The following SAMSN1 variants were observed in gnomAD, a reference collection of about 807,000 sequenced individuals.
The protein encoded by SAMSN1 is SAM domain, SH3 domain and nuclear localization signals 1, also known as SAM domain-containing protein SAMSN-1.
In SAMSN1, 31 loss-of-function variants were observed where a neutral mutation model predicts 42.0. That is an observed-to-expected ratio of 0.74 (90% CI 0.55 to 1.00). The LOEUF is 1.00. Ranked by LOEUF, SAMSN1 falls within the 50% of genes least tolerant of loss-of-function variation. The pLI, the probability that SAMSN1 is intolerant of heterozygous loss-of-function variation, is 0.00. For synonymous variants in SAMSN1, 178 were observed against 151.9 expected, an observed-to-expected ratio of 1.17 and a Z score of -1.26; for missense variants, 464 against 439.4, an observed-to-expected ratio of 1.06 and a Z score of -0.50.
rs142616761 is a variant in SAMSN1 at position 14,510,961 on chromosome 21, A to T, written c.410-500T>A. Among the ~76,000 whole-genome samples the T allele has an allele frequency of 3.1e-3, 467 of 152,274 alleles. 3 individuals carry two copies. Among genetic ancestry groups the T allele is most frequent in the Non-Finnish European group, 4.8e-3 (328 of 68,010 alleles). On this transcript the variant is annotated intron_variant, in intron 4 of 7. Coordinates refer to ENST00000400566, the MANE Select transcript of SAMSN1 (RefSeq NM_022136.5). ...TGAAACTTCTAAACTGGGCCTTTAA[A>T]ACTGCTCCAAATCCTTGTTGTCTGG...
intron 2 of SAMSN1, among the ~76,000 whole-genome samples, chr21:14,575,767 C>A (rs1981439732): frequency 6.6e-6 from 1 of 152,184 alleles, no homozygotes; most frequent in African/African-American, 2.4e-5. Flanking sequence ...CCTGACATCA[C>A]TAAAGCACAA....
At chr21:14,537,553 T>G (rs181614978) in intron 1 of SAMSN1, among the ~76,000 whole-genome samples, 44 of 152,344 alleles carry the variant, frequency 2.9e-4, no homozygotes, top group Admixed American at 2.7e-3. Flanking sequence ...GATAAATGAA[T>G]GAACGAATGC....
chr21:14,495,786 T>C (rs1171461479), intron 7 of SAMSN1: 1 of 152,228 alleles, frequency 6.6e-6, no homozygotes. Context: ...TTCTGATAGA[T>C]GTAAGAGACT....
At chr21:14,653,087 G>A (rs977048406) in intron 1 of SAMSN1, among the ~76,000 whole-genome samples, 3 of 151,990 alleles carry the variant, frequency 2.0e-5, no homozygotes, top group South Asian at 2.1e-4. Flanking sequence ...CACTGTTGGC[G>A]GGAATATAAA....
intron 2 of SAMSN1, among the ~76,000 whole-genome samples, chr21:14,622,937 C>A (rs1408476106): frequency 6.6e-6 from 1 of 152,212 alleles, no homozygotes; most frequent in Non-Finnish European, 1.5e-5. Context: ...AGAAACTCCA[C>A]AAGCCAGAAG....
intron 1 of SAMSN1, among the ~76,000 whole-genome samples, chr21:14,545,740 A>C (rs1465168808): frequency 6.6e-6 from 1 of 152,210 alleles, no homozygotes; most frequent in South Asian, 2.1e-4. Flanking sequence ...AACATTCAAA[A>C]ATGAGAAAAG....
At chr21:14,649,324 G>C (rs1044749788) in intron 1 of SAMSN1, among the ~76,000 whole-genome samples, 1 of 151,482 alleles carries the variant, frequency 6.6e-6, no homozygotes, top group Non-Finnish European at 1.5e-5. Flanking sequence ...CCTAATGCTA[G>C]ATGACGAGTT....
intron 7 of SAMSN1, among the ~76,000 whole-genome samples, chr21:14,486,376 G>A (rs2822695): frequency 1.9e-4 from 29 of 152,008 alleles, no homozygotes; most frequent in African/African-American, 7.0e-4. Context: ...TGAACTTCCC[G>A]CATCAGCAAA....
At chr21:14,608,212 AGTAGGAAAG>A (rs1422148710) in intron 5 of SAMSN1, among the ~76,000 whole-genome samples, 1 of 152,250 alleles carries the variant, frequency 6.6e-6, no homozygotes, top group Non-Finnish European at 1.5e-5. Flanking sequence ...CACTAAAAAA[AGTAGGAAAG>A]GTGGTTTTGG....
chr21:14,570,413 T>C (rs1217192741), intron 2 of SAMSN1, among the ~76,000 whole-genome samples: 3 of 152,174 alleles, frequency 2.0e-5, no homozygotes, highest in Non-Finnish European at 4.4e-5. Context: ...GGGAGGCAAA[T>C]GGATGACATT....
At chr21:14,557,540 A>G (rs375940007) in intron 2 of SAMSN1, among the ~76,000 whole-genome samples, 1 of 152,086 alleles carries the variant, frequency 6.6e-6, no homozygotes, top group Admixed American at 6.6e-5. Context: ...TGCTCTTTTT[A>G]CCTGGTGTTT....
intron 2 of SAMSN1, among the ~76,000 whole-genome samples, chr21:14,552,967 GAAA>G (rs1443849874): frequency 6.6e-6 from 1 of 151,800 alleles, no homozygotes; most frequent in Non-Finnish European, 1.5e-5. Context: ...AAAAAAGTTA[GAAA>G]ACACAAGCAC....
At chr21:14,648,095 C>T (rs1242699806) in intron 1 of SAMSN1, among the ~76,000 whole-genome samples, 1 of 150,714 alleles carries the variant, frequency 6.6e-6, no homozygotes, top group Non-Finnish European at 1.5e-5. Flanking sequence ...CCAGTTTTTG[C>T]CCATTCAGTA....
chr21:14,655,333 A>C (rs955277682), intron 1 of SAMSN1, among the ~76,000 whole-genome samples: 2 of 151,802 alleles, frequency 1.3e-5, no homozygotes, highest in Non-Finnish European at 2.9e-5. Flanking sequence ...AAAGATGACA[A>C]AATACTACTA....
intron 2 of SAMSN1, among the ~76,000 whole-genome samples, chr21:14,636,851 G>A (rs457033): frequency 0.65 from 98,018 of 151,912 alleles, 32,656 homozygotes; most frequent in Middle Eastern, 0.78. Flanking sequence ...GCGACAGAGC[G>A]AGATTCCGTC....
intron 2 of SAMSN1, among the ~76,000 whole-genome samples, chr21:14,628,575 G>A (rs1291916271): frequency 6.6e-6 from 1 of 152,136 alleles, no homozygotes; most frequent in African/African-American, 2.4e-5. Flanking sequence ...CTGGTAACAA[G>A]TCATCACAAA....
At chr21:14,625,725 T>C (rs978739900) in intron 2 of SAMSN1, among the ~76,000 whole-genome samples, 1 of 152,216 alleles carries the variant, frequency 6.6e-6, no homozygotes, top group African/African-American at 2.4e-5. Flanking sequence ...ACAGATTCAA[T>C]GCCATCCCCA....
chr21:14,657,502 C>T (rs1308706796), intron 1 of SAMSN1, among the ~76,000 whole-genome samples: 3 of 151,780 alleles, frequency 2.0e-5, no homozygotes, highest in East Asian at 1.9e-4. Flanking sequence ...TGTCACGCCA[C>T]GCTGAACCAT....
At chr21:14,581,178 A>G (rs972188402) in intron 2 of SAMSN1, among the ~76,000 whole-genome samples, 2 of 151,768 alleles carry the variant, frequency 1.3e-5, no homozygotes, top group African/African-American at 4.8e-5. Context: ...GCCCTCGTAT[A>G]TGGAAAACAC....
Sources: gnomAD v4.1 joint callset for allele counts (sites outside exome capture counted in the v4.1 genomes callset) on GRCh38, gnomAD v4.1.1 for gene constraint, MANE v1.5 for transcripts, NCBI Gene and HGNC (gene_info 2026-07-23, HGNC 2026-07-21) for gene names.